The following STAT5B variants were observed in gnomAD, a reference collection of about 807,000 sequenced individuals.
The protein encoded by STAT5B is transcription factor STAT5B.
Under a neutral mutation model 107.8 loss-of-function variants are expected in STAT5B, and 21 were observed. That is an observed-to-expected ratio of 0.19 (90% CI 0.14 to 0.28). The LOEUF (loss-of-function observed/expected upper bound fraction) is 0.28, where lower values mean the gene tolerates loss of function less well. Ranked by LOEUF, STAT5B falls within the 10% of genes least tolerant of loss-of-function variation. STAT5B has a pLI of 1.00. For missense variants in STAT5B, 565 were observed against 1,008.2 expected, an observed-to-expected ratio of 0.56 and a Z score of 5.95; for synonymous variants, 325 against 401.7, an observed-to-expected ratio of 0.81 and a Z score of 2.28.
chr17:42,243,953 G>T (rs1391102022), intron 1 of STAT5B, among the ~76,000 whole-genome samples: 1 of 151,028 alleles, frequency 6.6e-6, no homozygotes, highest in East Asian at 1.9e-4. Context: ...AGCTACATCT[G>T]TATCACTTTC....
intron 1 of STAT5B, among the ~76,000 whole-genome samples, chr17:42,244,880 G>C (rs2080437558): frequency 6.6e-6 from 1 of 152,058 alleles, no homozygotes; most frequent in Non-Finnish European, 1.5e-5. Context: ...AAACCATGTA[G>C]ACGCATTTTT....
At chr17:42,206,376 C>T (rs2080085046) in intron 16 of STAT5B, among the ~76,000 whole-genome samples, 1 of 152,116 alleles carries the variant, frequency 6.6e-6, no homozygotes, top group South Asian at 2.1e-4. Flanking sequence ...AGGCATGAGC[C>T]ACCGCGCCCG....
chr17:42,223,471 A>G lies in STAT5B; in HGVS notation c.461T>C (p.Val154Ala), dbSNP rs1340562786. The change falls in exon 5 of 19, where the codon GTC becomes GCC. Residue 154 changes from valine (V) to alanine (A), a missense_variant. By Grantham distance (64) the Val-to-Ala change is moderately conservative. Transcript: ENST00000293328. ...TAACTCATTCTCTGTGTCCTGCGTG[A>G]CCAGTCGCAGCTCCTCAAACGTCTG... Reference protein sequence around the residue: ...INQTFEELRLVTQDTENELKK... With the variant: ...INQTFEELRLATQDTENELKK... 6.2e-7 allele frequency: 1 copy of G among 1,614,084 alleles called. No individual in the cohort carries two copies. The highest frequency in any genetic ancestry group is 8.5e-7 in the Non-Finnish European group (1 of 1,180,020).
At chr17:42,231,364 C>T (rs2080316169) in intron 2 of STAT5B, among the ~76,000 whole-genome samples, 1 of 151,888 alleles carries the variant, frequency 6.6e-6, no homozygotes, top group African/African-American at 2.4e-5. Context: ...TGTTTTGAGA[C>T]AGGGTCTCAC....
chr17:42,258,097 G>A (rs2080562431), intron 1 of STAT5B, among the ~76,000 whole-genome samples: 3 of 152,114 alleles, frequency 2.0e-5, no homozygotes, highest in Admixed American at 1.3e-4. Flanking sequence ...ATATTTGGAA[G>A]AAAGGAATTT....
At chr17:42,252,419 T>C (rs1011557398) in intron 1 of STAT5B, among the ~76,000 whole-genome samples, 2 of 152,230 alleles carry the variant, frequency 1.3e-5, no homozygotes, top group Non-Finnish European at 2.9e-5. Context: ...GGCCAACTAA[T>C]AGACTGTAAG....
intron 1 of STAT5B, among the ~76,000 whole-genome samples, chr17:42,259,689 A>C (rs1035499320): frequency 6.6e-6 from 1 of 152,026 alleles, no homozygotes; most frequent in African/African-American, 2.4e-5. Context: ...TGGGAGGCTG[A>C]GGCAGGAGAA....
At chr17:42,255,659 AAATGGAGAGT>A (rs1162040430) in intron 1 of STAT5B, among the ~76,000 whole-genome samples, 6 of 152,362 alleles carry the variant, frequency 3.9e-5, no homozygotes, top group South Asian at 2.1e-4. Context: ...GGGGAGGGGC[AAATGGAGAGT>A]TTTATTCTCA....
intron 16 of STAT5B, among the ~76,000 whole-genome samples, chr17:42,205,936 C>T (rs2080081482): frequency 6.6e-6 from 1 of 152,040 alleles, no homozygotes; most frequent in African/African-American, 2.4e-5. Context: ...AAAAAACAAA[C>T]ATGTCCTCAG....
chr17:42,258,611 G>A (rs1300007567), intron 1 of STAT5B, among the ~76,000 whole-genome samples: 1 of 152,204 alleles, frequency 6.6e-6, no homozygotes, highest in Non-Finnish European at 1.5e-5. Context: ...CCTGGGAGAC[G>A]GAGGTTGCAG....
intron 1 of STAT5B, among the ~76,000 whole-genome samples, chr17:42,256,281 C>G (rs1261310425): frequency 6.6e-6 from 1 of 152,074 alleles, no homozygotes; most frequent in Non-Finnish European, 1.5e-5. Context: ...GCGTCTCACT[C>G]TGTGGCCCAG....
chr17:42,271,868 A>T (rs989416314), intron 1 of STAT5B: 1 of 152,210 alleles, frequency 6.6e-6, no homozygotes, highest in African/African-American at 2.4e-5. Flanking sequence ...TACTCCAAGT[A>T]TTAACTTCAT....
At chr17:42,217,668 A>G (rs2080183824) in intron 9 of STAT5B, 1 of 637,114 alleles carries the variant, frequency 1.6e-6, no homozygotes, top group Non-Finnish European at 2.7e-6. Flanking sequence ...CTATCTTCAC[A>G]GAAAACAGTT....
intron 15 of STAT5B, among the ~76,000 whole-genome samples, chr17:42,209,215 CTTAT>C (rs891224830): frequency 4.0e-5 from 6 of 151,682 alleles, no homozygotes; most frequent in East Asian, 1.9e-4. Context: ...ACCTAATTAA[CTTAT>C]TTATTTATTT....
At chr17:42,220,195 C>A (rs1038145145) in intron 5 of STAT5B, among the ~76,000 whole-genome samples, 1 of 152,204 alleles carries the variant, frequency 6.6e-6, no homozygotes, top group African/African-American at 2.4e-5. Flanking sequence ...TAAGTGTGCC[C>A]ATGCCCTTGA....
chr17:42,257,465 G>A (rs1218215983), intron 1 of STAT5B, among the ~76,000 whole-genome samples: 1 of 152,210 alleles, frequency 6.6e-6, no homozygotes, highest in African/African-American at 2.4e-5. Flanking sequence ...CCTGCTGAAA[G>A]CCTATCATCT....
chr17:42,283,347 G>C, the STAT5B span, among the ~76,000 whole-genome samples: 7 of 152,190 alleles, frequency 4.6e-5, no homozygotes, highest in Non-Finnish European at 1.0e-4. Flanking sequence ...TGCAATGAGG[G>C]GGCTGCAAAG....
upstream of STAT5B, chr17:42,276,774 C>T (rs1222219310): frequency 6.6e-6 from 1 of 152,292 alleles, no homozygotes; most frequent in African/African-American, 2.4e-5. This position sits in a 1 kb window ranked among gnomAD's most constrained non-coding sequence, Gnocchi z 4.8. Flanking sequence ...TGGCCCCCTC[C>T]GCGGCCCGCC....
intron 1 of STAT5B, among the ~76,000 whole-genome samples, chr17:42,265,929 A>G (rs2080667123): frequency 6.6e-6 from 1 of 152,088 alleles, no homozygotes; most frequent in Admixed American, 6.6e-5. Flanking sequence ...TATTATGGGA[A>G]TCATCTTTTT....
Sources: allele counts gnomAD v4.1 joint callset (sites outside exome capture counted in the v4.1 genomes callset), GRCh38; gene constraint gnomAD v4.1.1; non-coding constraint Gnocchi (gnomAD v3.1); transcripts MANE v1.5; gene names NCBI Gene and HGNC (gene_info 2026-07-23, HGNC 2026-07-21).